The following RIMS2 variants were observed in gnomAD, a reference collection of about 807,000 sequenced individuals.
The protein encoded by RIMS2 is regulating synaptic membrane exocytosis protein 2.
In RIMS2, 59 loss-of-function variants were observed where a neutral mutation model predicts 174.4. The ratio of observed to expected loss-of-function variants is 0.34; its 90% CI spans 0.27 to 0.42. The LOEUF (loss-of-function observed/expected upper bound fraction) is 0.42. Ranked by LOEUF, RIMS2 falls within the 10% of genes least tolerant of loss-of-function variation. The pLI is 1.00. For missense variants in RIMS2, 1,620 were observed against 1,666.3 expected, an observed-to-expected ratio of 0.97 and a Z score of 0.48; for synonymous variants, 606 against 572.5, an observed-to-expected ratio of 1.06 and a Z score of -0.84.
At chr8:104,034,670 A>G (rs1178335662) in intron 19 of RIMS2, among the ~76,000 whole-genome samples, 1 of 151,718 alleles carries the variant, frequency 6.6e-6, no homozygotes, top group Non-Finnish European at 1.5e-5. Flanking sequence ...GGGTTTCACC[A>G]TGTTGGCCAG....
At chr8:104,169,956 A>G (rs1443283957) in intron 19 of RIMS2, among the ~76,000 whole-genome samples, 1 of 151,966 alleles carries the variant, frequency 6.6e-6, no homozygotes, top group Admixed American at 6.6e-5. Flanking sequence ...TTTAATTTCC[A>G]TGTATTTGTA....
chr8:103,759,646 G>T (rs1043448350), intron 2 of RIMS2, among the ~76,000 whole-genome samples: 47 of 150,560 alleles, frequency 3.1e-4, no homozygotes, highest in Admixed American at 2.0e-3. Flanking sequence ...ACTGTCCTTT[G>T]TTCTAGTGTG....
intron 1 of RIMS2, among the ~76,000 whole-genome samples, chr8:103,561,794 A>T (rs1423249959): frequency 6.6e-6 from 1 of 152,124 alleles, no homozygotes. Flanking sequence ...CATTCGGGTG[A>T]TAAAGACATA....
intron 20 of RIMS2, among the ~76,000 whole-genome samples, chr8:104,247,991 T>A (rs1194340662): frequency 6.6e-6 from 1 of 152,026 alleles, no homozygotes; most frequent in African/African-American, 2.4e-5. Context: ...TAAGGCTGAG[T>A]GGCAGAAGGA....
chr8:103,596,994 G>A (rs985819301), intron 1 of RIMS2, among the ~76,000 whole-genome samples: 1 of 152,032 alleles, frequency 6.6e-6, no homozygotes, highest in East Asian at 1.9e-4. Context: ...TATTTCCATA[G>A]CATTGTTGTG....
At chr8:103,903,884 T>G (rs1344290550) in intron 4 of RIMS2, among the ~76,000 whole-genome samples, 2 of 152,162 alleles carry the variant, frequency 1.3e-5, no homozygotes, top group African/African-American at 4.8e-5. Flanking sequence ...GGAAAGATAG[T>G]TCAGTGAGAT....
At chr8:103,816,410 T>C (rs2154469107) in intron 3 of RIMS2, among the ~76,000 whole-genome samples, 1 of 152,302 alleles carries the variant, frequency 6.6e-6, no homozygotes, top group Middle Eastern at 3.4e-3. Context: ...CCGCCTACCC[T>C]GTACTAGGCA....
chr8:103,633,022 C>T (rs888608240), intron 1 of RIMS2, among the ~76,000 whole-genome samples: 44 of 146,764 alleles, frequency 3.0e-4, no homozygotes, highest in East Asian at 2.9e-3. Context: ...TGTGAGCCTC[C>T]GCGCCAGGCC....
intron 2 of RIMS2, among the ~76,000 whole-genome samples, chr8:103,702,979 G>A: frequency 7.4e-6 from 1 of 135,716 alleles, no homozygotes; most frequent in Non-Finnish European, 1.6e-5. Flanking sequence ...GTGTTTTTGT[G>A]AGTTTGTTTT....
intron 19 of RIMS2, among the ~76,000 whole-genome samples, chr8:104,056,554 T>C (rs1473952871): frequency 1.3e-5 from 2 of 152,178 alleles, no homozygotes; most frequent in South Asian, 4.1e-4. Context: ...CCAAGTCTTA[T>C]CTCTTTGTAT....
chr8:103,654,393 G>GA (rs370541678), intron 1 of RIMS2, among the ~76,000 whole-genome samples: 137 of 152,034 alleles, frequency 9.0e-4, no homozygotes, highest in African/African-American at 3.2e-3. Context: ...GAAGATGGTA[G>GA]AAAAAATTAG....
intron 21 of RIMS2, 94 bp downstream of exon 27, chr8:104,248,907 C>T (rs1186494047): frequency 9.4e-6 from 6 of 637,974 alleles, no homozygotes; most frequent in African/African-American, 2.1e-5. Flanking sequence ...CTCTCTCTCT[C>T]TCTCTTTCCC....
chr8:104,164,970 TA>T (rs988154683), intron 19 of RIMS2, among the ~76,000 whole-genome samples: 1 of 151,814 alleles, frequency 6.6e-6, no homozygotes, highest in South Asian at 2.1e-4. Flanking sequence ...AAATACAAGT[TA>T]AAAAAAAGAG....
Position 103,869,385 on chromosome 8 carries a change from C to A in RIMS2, c.699-15913C>A, listed in dbSNP as rs555754258. Among the ~76,000 whole-genome samples the A allele has an allele frequency of 6.6e-5, 10 of 151,612 alleles. No individual in the cohort carries two copies. The East Asian group carries it at 2.0e-3, about 30-fold the overall frequency. Reference sequence around the variant, plus strand: ...TAATTTTTTTATTTTTAGTAAGAGACGGGGTTTCACCATGTTGGTTAAATT... The same window carrying A: ...TAATTTTTTTATTTTTAGTAAGAGAAGGGGTTTCACCATGTTGGTTAAATT... On this transcript the variant is annotated intron_variant, in intron 3 of 23. Transcript: ENST00000504942.
At chr8:104,018,244 G>T (rs181556232) in intron 19 of RIMS2, among the ~76,000 whole-genome samples, 25 of 152,274 alleles carry the variant, frequency 1.6e-4, no homozygotes, top group Non-Finnish European at 2.8e-4. Flanking sequence ...GGAAGAGCAG[G>T]GGGAAGAAAA....
At chr8:103,529,519 G>T (rs4257981) in intron 1 of RIMS2, among the ~76,000 whole-genome samples, 12 of 152,304 alleles carry the variant, frequency 7.9e-5, no homozygotes, top group Middle Eastern at 3.4e-3. Flanking sequence ...TCCAGGTGCC[G>T]TCTGTCACAG....
At chr8:103,798,836 TGG>T (rs1203049740) in intron 3 of RIMS2, among the ~76,000 whole-genome samples, 4 of 152,068 alleles carry the variant, frequency 2.6e-5, no homozygotes, top group Admixed American at 2.6e-4. Context: ...ATTAAGGTTA[TGG>T]ACCTTGAGAT....
At chr8:103,640,532 C>G (rs1391211867) in intron 1 of RIMS2, among the ~76,000 whole-genome samples, 10 of 152,094 alleles carry the variant, frequency 6.6e-5, no homozygotes, top group African/African-American at 2.4e-4. Flanking sequence ...ACTGGTTTAG[C>G]TGCATCTCAC....
At chr8:103,793,584 A>T (rs916437005) in intron 3 of RIMS2, among the ~76,000 whole-genome samples, 3 of 152,180 alleles carry the variant, frequency 2.0e-5, no homozygotes, top group Non-Finnish European at 4.4e-5. Flanking sequence ...TGGCCAGGGC[A>T]ATCAGGCAGG....
Sources: gnomAD v4.1 joint callset for allele counts (sites outside exome capture counted in the v4.1 genomes callset) on GRCh38, gnomAD v4.1.1 for gene constraint, MANE v1.5 for transcripts, NCBI Gene and HGNC (gene_info 2026-07-23, HGNC 2026-07-21) for gene names.